SIN3B: variants seen among roughly 807,000 people sequenced by gnomAD.
SIN3B encodes SIN3 transcription regulator family member B.
A neutral mutation model predicts 120.2 loss-of-function variants in SIN3B; 19 were observed. The ratio of observed to expected loss-of-function variants is 0.16; its 90% CI spans 0.11 to 0.23. The LOEUF is 0.23. SIN3B is among the 10% of genes least tolerant of loss of function. The probability of loss-of-function intolerance (pLI) is 1.00; values close to 1 mark genes in which losing one functional copy is unlikely to be tolerated. For missense variants in SIN3B, 1,073 were observed against 1,573.0 expected (o/e 0.68, Z 5.38); for synonymous variants, 654 against 653.2 (o/e 1.00, Z -0.02).
At chr19:16,831,448 A>G (rs1454081034) in intron 2 of SIN3B, 46 bp from the exon 3 acceptor site, 1 of 1,586,224 alleles carries the variant, frequency 6.3e-7, no homozygotes. Context: ...TATATTTTTC[A>G]TTTATTTCCC....
Position 16,865,611 on chromosome 19 carries a change from A to G in SIN3B, c.1585A>G (p.Lys529Glu), listed in dbSNP as rs1231154237. 6.2e-6 allele frequency: 10 copies of G among 1,611,750 alleles called. No individual in the cohort carries two copies. Among genetic ancestry groups the G allele is most frequent in the Non-Finnish European group, 7.6e-6 (9 of 1,178,886 alleles). Residue 529 changes from lysine (K) to glutamate (E), a missense_variant, in exon 11 of 19, where the codon AAG (lysine) becomes GAG (glutamate). This residue lies in a region of SIN3B where 118 missense variants were observed against 281.6 expected (regional missense o/e 0.42). Coordinates refer to ENST00000248054, the MANE Select transcript of SIN3B (RefSeq NM_001297595.2). ...KAPEIIESLK[K>E]NPVTAVPVVL... ...CCCGGAGATCATCGAGAGCCTCAAG[A>G]AGAACCCTGTCACCGCTGTCCCCGT...
chr19:16,851,049 C>T (rs533995167), intron 5 of SIN3B, among the ~76,000 whole-genome samples: 38 of 152,162 alleles, frequency 2.5e-4, no homozygotes, highest in African/African-American at 8.4e-4. Flanking sequence ...CCTTGTGTTT[C>T]TGTGGTGCCG....
In SIN3B at chr19:16,879,462, G is replaced by A. The variant is rs908052888; in HGVS notation, c.*735G>A. 1 of 152,418 alleles carries A rather than the reference G, an allele frequency of 6.6e-6. No individual in the cohort carries two copies. Among genetic ancestry groups the A allele is most frequent in the Admixed American group, 6.5e-5 (1 of 15,284 alleles). 9.4% of individuals were successfully genotyped at this position (152,418 alleles called of 1,614,324 possible). ...CCCCAGCCAGTATTCCCTCAGAGCC[G>A]GCACGACCCTGCTGTGGGGCGGCGG... On this transcript the variant is annotated 3_prime_UTR_variant, in exon 19 of 19. Transcript: ENST00000248054.
chr19:16,865,863 G>T (rs1971764598), intron 11 of SIN3B, among the ~76,000 whole-genome samples: 1 of 152,166 alleles, frequency 6.6e-6, no homozygotes, highest in African/African-American at 2.4e-5. Context: ...GACCTTCTAG[G>T]ACTTTCCACC....
intron 10 of SIN3B, among the ~76,000 whole-genome samples, chr19:16,864,661 G>T (rs938267596): frequency 1.3e-5 from 2 of 151,506 alleles, no homozygotes; most frequent in African/African-American, 4.9e-5. Context: ...TAGAGACAGG[G>T]TCTGTATTGC....
chr19:16,839,691 G>T (rs1056299796), intron 3 of SIN3B, among the ~76,000 whole-genome samples: 1 of 152,164 alleles, frequency 6.6e-6, no homozygotes, highest in Admixed American at 6.5e-5. Context: ...CCTGAGCAGA[G>T]AATCATTCCG....
In SIN3B at chr19:16,876,024, G is replaced by C; in HGVS notation, c.2593-31G>C. On this transcript the variant is annotated intron_variant, in intron 14 of 18. Coordinates refer to ENST00000248054, the MANE Select transcript of SIN3B (RefSeq NM_001297595.2). This position sits in a 1 kb window ranked among gnomAD's most constrained non-coding sequence, Gnocchi z 7.1. ...GGTGGGGACTCCCGCAGGAGGCGGG[G>C]TGGCCGCACCACCTGCTTTCCTCCC... The C allele has an allele frequency of 6.5e-7, 1 of 1,531,388 alleles. No homozygotes were observed. The highest frequency in any genetic ancestry group is 8.8e-7 in the Non-Finnish European group (1 of 1,136,306). 94.9% of individuals were successfully genotyped at this position (1,531,388 alleles called of 1,614,324 possible). A position where few individuals can be genotyped will look rare whatever the true frequency, so the allele number is the denominator to read the frequency against.
At chr19:16,833,881 G>T (rs1971311439) in intron 3 of SIN3B, among the ~76,000 whole-genome samples, 1 of 151,694 alleles carries the variant, frequency 6.6e-6, no homozygotes, top group African/African-American at 2.4e-5. Context: ...GCTTCATCAT[G>T]CCCGGCTAAT....
chr19:16,876,332 C>A lies in SIN3B; in HGVS notation c.2766+104C>A. The A allele has an allele frequency of 7.0e-7, 1 of 1,430,384 alleles. No individual in the cohort carries two copies. The highest frequency in any genetic ancestry group is 9.5e-7 in the Non-Finnish European group (1 of 1,053,270). 88.6% of individuals were successfully genotyped at this position (1,430,384 alleles called of 1,614,324 possible). On this transcript the variant is annotated intron_variant, in intron 15 of 18. Coordinates refer to ENST00000248054, the MANE Select transcript of SIN3B (RefSeq NM_001297595.2). The surrounding 1 kb of genome is among the most constrained non-coding windows in gnomAD (Gnocchi z 7.1). Reference sequence around the variant, plus strand: ...CCTGGTTCAGCGGCTGGGACACCGGCCCTGCTGCAGAGCCCATGAGGTACC... The same window carrying A: ...CCTGGTTCAGCGGCTGGGACACCGGACCTGCTGCAGAGCCCATGAGGTACC...
At chr19:16,865,697 C>CCT in intron 11 of SIN3B, 49 bp downstream of exon 11, 1 of 955,888 alleles carries the variant, frequency 1.0e-6, no homozygotes, top group Non-Finnish European at 1.6e-6. Context: ...TCCCCCTTCC[C>CCT]TCCCCTCCCC....
intron 3 of SIN3B, among the ~76,000 whole-genome samples, chr19:16,833,952 C>T (rs1021400973): frequency 2.0e-5 from 3 of 151,932 alleles, no homozygotes; most frequent in African/African-American, 7.2e-5. Flanking sequence ...GTCTCGAACT[C>T]CTGACCCCGT....
intron 14 of SIN3B, chr19:16,871,650 A>T (rs2051513283): frequency 2.2e-6 from 1 of 446,976 alleles, no homozygotes; most frequent in Non-Finnish European, 4.0e-6. Flanking sequence ...TTCCAAAAGG[A>T]GACCCCATCC....
Position 16,871,283 on chromosome 19 carries a change from T to C in SIN3B, c.2477T>C (p.Leu826Pro). 1 of 1,614,206 alleles carries C rather than the reference T, an allele frequency of 6.2e-7. No individual in the cohort carries two copies. The highest frequency in any genetic ancestry group is 8.5e-7 in the Non-Finnish European group (1 of 1,180,036). Reference sequence around the variant, plus strand: ...GCCTTCCTGGACATGGTGCGGAGCCTGCTGGAGGGCAGCATCGACCCCACG... The same window carrying C: ...GCCTTCCTGGACATGGTGCGGAGCCCGCTGGAGGGCAGCATCGACCCCACG... ...YPAFLDMVRS[L>P]LEGSIDPTQY... The change falls in exon 14 of 19, where the codon CTG becomes CCG. Residue 826 changes from leucine (L) to proline (P), a missense_variant. Coordinates refer to ENST00000248054, the MANE Select transcript of SIN3B (RefSeq NM_001297595.2).
In SIN3B at chr19:16,876,626, A is replaced by G; in HGVS notation, c.2859+48A>G. 1 of 1,478,186 alleles carries G rather than the reference A, an allele frequency of 6.8e-7. No individual in the cohort carries two copies. Among genetic ancestry groups the G allele is most frequent in the Non-Finnish European group, 9.4e-7 (1 of 1,064,742 alleles). 91.6% of individuals were successfully genotyped at this position (1,478,186 alleles called of 1,614,324 possible). A position where few individuals can be genotyped will look rare whatever the true frequency, so the allele number is the denominator to read the frequency against. ...TGCCACGCATACCAGGGAGCGCCTG[A>G]GGGCAGCAGCATGGGGCTCCCACCA... On this transcript the variant is annotated intron_variant, in intron 16 of 18. Coordinates refer to ENST00000248054, the MANE Select transcript of SIN3B (RefSeq NM_001297595.2). The surrounding 1 kb of genome is among the most constrained non-coding windows in gnomAD (Gnocchi z 7.1).
chr19:16,857,708 C>G (rs930269055), intron 8 of SIN3B, among the ~76,000 whole-genome samples: 3 of 152,166 alleles, frequency 2.0e-5, no homozygotes, highest in Non-Finnish European at 4.4e-5. Flanking sequence ...GCATACCATT[C>G]CAGTCCCTGC....
intron 10 of SIN3B, among the ~76,000 whole-genome samples, chr19:16,864,044 A>G (rs1484719640): frequency 6.6e-6 from 1 of 152,226 alleles, no homozygotes; most frequent in Non-Finnish European, 1.5e-5. Flanking sequence ...CTGTAATCCC[A>G]ACACTTTGGG....
intron 14 of SIN3B, 185 bp downstream of exon 14, chr19:16,871,583 G>A: frequency 1.7e-6 from 1 of 584,508 alleles, no homozygotes; most frequent in South Asian, 2.1e-5. Flanking sequence ...GTAACATTTG[G>A]TACATTCACA....
At position 16,863,789 on chromosome 19, in the gene SIN3B, G is replaced by A; in HGVS notation, c.1376G>A (p.Arg459His). The change falls in exon 10 of 19, where the codon CGC (arginine) becomes CAC (histidine). Residue 459 changes from arginine to histidine, a missense_variant. By Grantham distance (29) the Arg-to-His change is conservative (BLOSUM62 0). Coordinates refer to ENST00000248054, the MANE Select transcript of SIN3B (RefSeq NM_001297595.2). ...EEQLHRCEDE[R>H]FELDVVLETN... ...CAGCTTCACCGCTGTGAGGACGAGC[G>A]CTTCGAGGTGTGTGTGCTGCTGTGG... is the stretch of plus-strand genomic sequence containing the variant. 6.2e-7 allele frequency: 1 copy of A among 1,612,722 alleles called. No individual in the cohort carries two copies. The highest frequency in any genetic ancestry group is 8.5e-7 in the Non-Finnish European group (1 of 1,179,098).
chr19:16,856,244 G>A (rs1025036266), intron 8 of SIN3B, among the ~76,000 whole-genome samples: 5 of 152,092 alleles, frequency 3.3e-5, no homozygotes, highest in South Asian at 2.1e-4. Flanking sequence ...AGGAGTGTGC[G>A]CGGTAGGAGT....
Sources: gnomAD v4.1 joint callset for allele counts (sites outside exome capture counted in the v4.1 genomes callset) on GRCh38, gnomAD v4.1.1 for gene constraint, gnomAD v4.1.1 regional missense constraint, Gnocchi (gnomAD v3.1) non-coding constraint, MANE v1.5 for transcripts, NCBI Gene and HGNC (gene_info 2026-07-23, HGNC 2026-07-21) for gene names.